NT5C1B: variants seen among roughly 807,000 people sequenced by gnomAD.
The protein encoded by NT5C1B is 5'-nucleotidase, cytosolic IB, also known as cytosolic 5'-nucleotidase 1B.
In NT5C1B, 44 loss-of-function variants were observed where a neutral mutation model predicts 57.8. The ratio of observed to expected loss-of-function variants is 0.76; its 90% CI spans 0.60 to 0.98. NT5C1B has a LOEUF of 0.98. NT5C1B is among the 50% of genes least tolerant of loss of function. The pLI, the probability that NT5C1B is intolerant of heterozygous loss-of-function variation, is 0.00. For missense variants in NT5C1B, 742 were observed against 719.5 expected (o/e 1.03, Z -0.36); for synonymous variants, 284 against 282.6 (o/e 1.00, Z -0.05).
chr2:18,576,718 G>A (rs1256340805), intron 7 of NT5C1B, 55 bp downstream of exon 7: 4 of 1,593,986 alleles, frequency 2.5e-6, no homozygotes, highest in Non-Finnish European at 3.4e-6. Context: ...CTTAATGTAA[G>A]TCACCATTAG....
At chr2:18,581,469 C>T (rs1433036331) in intron 6 of NT5C1B, among the ~76,000 whole-genome samples, 2 of 151,458 alleles carry the variant, frequency 1.3e-5, no homozygotes, top group African/African-American at 4.9e-5. Context: ...AACTGGGTAG[C>T]TGCACATGAT....
At chr2:18,578,003 T>C (rs1036771868) in intron 6 of NT5C1B, among the ~76,000 whole-genome samples, 1 of 151,970 alleles carries the variant, frequency 6.6e-6, no homozygotes, top group Non-Finnish European at 1.5e-5. Context: ...CCTCTATGCA[T>C]AGAAACTAGA....
Position 18,584,535 on chromosome 2 carries a change from C to A in NT5C1B, c.702G>T (p.Pro234=), listed in dbSNP as rs372417853. The A allele has an allele frequency of 1.2e-6, 2 of 1,611,402 alleles. No homozygotes were observed. The highest frequency in any genetic ancestry group is 1.1e-5 in the South Asian group (1 of 90,682). Residue 234 remains proline, a synonymous_variant, in exon 4 of 9, where the codon CCG becomes CCT. Transcript: ENST00000304081. This position sits in a 1 kb window ranked among gnomAD's most constrained non-coding sequence, Gnocchi z 5.8. ...TCACCGGCCAGGGGCGCGAGCAGCT[C>A]GGGTTCTTCTCGTAGAACGACCTCA... is the stretch of plus-strand genomic sequence containing the variant.
Position 18,576,760 on chromosome 2 carries a change from A to G in NT5C1B, c.1144+13T>C. On this transcript the variant is annotated intron_variant, in intron 7 of 8. Transcript: ENST00000304081. ...CCTCTTTATTAACTAGAGGAATAAA[A>G]TCAGACTAATACCTTCTTGTATTGC... The G allele has an allele frequency of 6.2e-7, 1 of 1,612,562 alleles. No homozygotes were observed. The highest frequency in any genetic ancestry group is 8.5e-7 in the Non-Finnish European group (1 of 1,179,496).
intron 1 of NT5C1B, 22 bp from the exon 2 acceptor site, chr2:18,587,614 G>A (rs1440815955): frequency 1.2e-6 from 2 of 1,601,150 alleles, no homozygotes; most frequent in Middle Eastern, 1.7e-4. Context: ...AACAAAGAAT[G>A]TTTATTAATT....
chr2:18,564,269 C>G (rs1664438887), intron 8 of NT5C1B, 150 bp from the exon 9 acceptor site: 1 of 912,494 alleles, frequency 1.1e-6, no homozygotes, highest in Non-Finnish European at 1.5e-6. Flanking sequence ...AATGCTAAAA[C>G]TTGATAGGAA....
intron 1 of NT5C1B, 110 bp from the exon 2 acceptor site, chr2:18,587,702 T>C: frequency 8.1e-7 from 1 of 1,229,960 alleles, no homozygotes; most frequent in Non-Finnish European, 1.1e-6. Flanking sequence ...TATTTGCCAA[T>C]ATAAAAAGGT....
intron 3 of NT5C1B, 140 bp from the exon 4 acceptor site, chr2:18,585,118 C>G: frequency 9.0e-7 from 1 of 1,112,202 alleles, no homozygotes; most frequent in South Asian, 1.2e-5. Flanking sequence ...GCTTAAGGGA[C>G]TCGGACATTT....
Position 18,584,266 on chromosome 2 carries a change from G to T in NT5C1B, c.724-11C>A, listed in dbSNP as rs773362813. On this transcript the variant is annotated splice_polypyrimidine_tract_variant and intron_variant, in intron 4 of 8. Transcript: ENST00000304081. This position sits in a 1 kb window ranked among gnomAD's most constrained non-coding sequence, Gnocchi z 5.8. ...GTTCTTGGGTTTGGGCTGCAGAGAG[G>T]GACGCCAAAGGGAGGATAGTCACAT... 6.2e-7 allele frequency: 1 copy of T among 1,611,492 alleles called. No individual in the cohort carries two copies. The highest frequency in any genetic ancestry group is 1.1e-5 in the South Asian group (1 of 90,750).
At chr2:18,563,596 T>C (rs1664368653) in exon 9 of NT5C1B, 4 of 498,784 alleles carry the variant, frequency 8.0e-6, no homozygotes, top group Non-Finnish European at 1.4e-5. Flanking sequence ...CATTCAACAG[T>C]ATTGGTAGTT....
At chr2:18,587,211 A>C in intron 2 of NT5C1B, 8 of 1,584,898 alleles carry the variant, frequency 5.0e-6, no homozygotes, top group Non-Finnish European at 6.9e-6. Context: ...TGCCATGGCC[A>C]GACCCCCTCC....
intron 7 of NT5C1B, 145 bp from the exon 8 acceptor site, chr2:18,576,513 C>T (rs2148128884): frequency 1.6e-6 from 2 of 1,234,624 alleles, no homozygotes; most frequent in Non-Finnish European, 2.2e-6. Flanking sequence ...AACCACAGAC[C>T]TCAGAACAGT....
intron 6 of NT5C1B, among the ~76,000 whole-genome samples, chr2:18,578,056 C>T (rs945347572): frequency 2.0e-5 from 3 of 152,042 alleles, no homozygotes; most frequent in Admixed American, 6.6e-5. Flanking sequence ...AATATAACCT[C>T]CCAAGATTGA....
chr2:18,586,372 A>G lies in NT5C1B; in HGVS notation c.140T>C (p.Leu47Pro), dbSNP rs147855918. The change falls in exon 3 of 9, where the codon CTG becomes CCG. Residue 47 changes from leucine to proline, a missense_variant. Leu to Pro is a moderately conservative substitution (Grantham distance 98). Coordinates refer to ENST00000304081, the Ensembl canonical transcript of NT5C1B. ...GTACCCTCGAGAGTCTGTCTTCCGC[A>G]GTGATGATTCTTGTGATCCCTGTGA... 8,817 of 1,614,090 alleles carry G rather than the reference A, an allele frequency of 5.5e-3. 36 individuals are homozygous for G. Among genetic ancestry groups the G allele is most frequent in the Non-Finnish European group, 6.6e-3 (7,753 of 1,179,998 alleles).
Position 18,587,497 on chromosome 2 carries a change from G to C in NT5C1B, c.120+6C>G. The C allele has an allele frequency of 6.2e-7, 1 of 1,613,120 alleles. No homozygotes were observed. The highest frequency in any genetic ancestry group is 8.5e-7 in the Non-Finnish European group (1 of 1,179,938). ...TTCCTCACCTCTGCTACAGAGATCA[G>C]CTCACCTGATTGCTCAGACGAACTC... On this transcript the variant is annotated splice_donor_region_variant and intron_variant, in intron 2 of 8. Coordinates refer to ENST00000304081, the Ensembl canonical transcript of NT5C1B.
At chr2:18,566,427 A>G (rs962518415) in intron 8 of NT5C1B, among the ~76,000 whole-genome samples, 2 of 152,200 alleles carry the variant, frequency 1.3e-5, no homozygotes, top group African/African-American at 4.8e-5. Flanking sequence ...AAAAACAAGT[A>G]AATTTGCTTT....
intron 5 of NT5C1B, among the ~76,000 whole-genome samples, 200 bp from the exon 6 acceptor site, chr2:18,583,197 A>G (rs1666335555): frequency 6.6e-6 from 1 of 152,216 alleles, no homozygotes; most frequent in African/African-American, 2.4e-5. Flanking sequence ...GTTAATGTTC[A>G]CAATACATGA....
intron 7 of NT5C1B, among the ~76,000 whole-genome samples, 163 bp downstream of exon 7, chr2:18,576,610 A>G (rs931250136): frequency 6.6e-6 from 1 of 152,210 alleles, no homozygotes; most frequent in African/African-American, 2.4e-5. Context: ...TTTCCAGGAA[A>G]GTCAAAGCTC....
At chr2:18,586,509 T>C in intron 2 of NT5C1B, 118 bp from the exon 3 acceptor site, 1 of 1,447,350 alleles carries the variant, frequency 6.9e-7, no homozygotes, top group Non-Finnish European at 9.3e-7. Flanking sequence ...AGAAGATCCC[T>C]GGCCTCAATG....
Sources: allele counts gnomAD v4.1 joint callset (sites outside exome capture counted in the v4.1 genomes callset), GRCh38; gene constraint gnomAD v4.1.1; non-coding constraint Gnocchi (gnomAD v3.1); transcripts MANE v1.5; gene names NCBI Gene and HGNC (gene_info 2026-07-23, HGNC 2026-07-21).